The following HIVEP3 variants were observed in gnomAD, a reference collection of about 807,000 sequenced individuals.
The protein encoded by HIVEP3 is transcription factor HIVEP3.
Under a neutral mutation model 152.8 loss-of-function variants are expected in HIVEP3, and 49 were observed. That is an observed-to-expected ratio of 0.32 (90% CI 0.26 to 0.41). HIVEP3 has a LOEUF of 0.41. Among genes scored for constraint, HIVEP3 ranks in the 10% least tolerant of loss-of-function variants. HIVEP3 has a pLI of 1.00. For missense variants in HIVEP3, 2,790 were observed against 3,103.3 expected (o/e 0.90, Z 2.40); for synonymous variants, 1,269 against 1,289.0 (o/e 0.98, Z 0.33).
chr1:41,797,890 G>T (rs1252071752), intron 1 of HIVEP3, among the ~76,000 whole-genome samples: 1 of 151,910 alleles, frequency 6.6e-6, no homozygotes, highest in Non-Finnish European at 1.5e-5. Context: ...TAAGGCAGGG[G>T]AATCACTTGA....
chr1:41,656,087 G>A (rs1458555712), intron 2 of HIVEP3, among the ~76,000 whole-genome samples: 2 of 152,160 alleles, frequency 1.3e-5, no homozygotes, highest in African/African-American at 2.4e-5. Context: ...TTCTTTGCCT[G>A]CCTCCTCTCC....
At chr1:41,588,975 G>T (rs888421850) in intron 3 of HIVEP3, among the ~76,000 whole-genome samples, 2 of 152,196 alleles carry the variant, frequency 1.3e-5, no homozygotes, top group East Asian at 1.9e-4. Context: ...GGAGACTTCT[G>T]TCTTGGAATG....
rs138291173 is a variant in HIVEP3, at chr1:41,762,448, T to C, written c.-800-61453A>G. Reference sequence around the variant, plus strand: ...AGCAGTGTCAGGGTCAGGCCAGCCCTGGATCCGCAGGCTGGAGCAGGGCAG... The same window carrying C: ...AGCAGTGTCAGGGTCAGGCCAGCCCCGGATCCGCAGGCTGGAGCAGGGCAG... On this transcript the variant is annotated intron_variant, in intron 1 of 8. Transcript: ENST00000372583. 1.5e-4 allele frequency among the ~76,000 whole-genome samples: 23 copies of C among 152,336 alleles called. No individual in the cohort carries two copies. In the East Asian group the frequency reaches 3.9e-3, roughly 26 times the overall value.
intron 1 of HIVEP3, among the ~76,000 whole-genome samples, chr1:42,029,110 A>G (rs1042884219): frequency 2.0e-5 from 3 of 152,240 alleles, no homozygotes; most frequent in African/African-American, 7.2e-5. Flanking sequence ...ACCAGGGTAC[A>G]ACTTCTGTTT....
intron 2 of HIVEP3, among the ~76,000 whole-genome samples, chr1:41,699,598 C>G (rs1426473141): frequency 6.6e-6 from 1 of 152,146 alleles, no homozygotes; most frequent in African/African-American, 2.4e-5. Flanking sequence ...ACTGGAAGAG[C>G]AGAAGAGAAG....
At chr1:41,516,987 G>A (rs1333195710) in intron 7 of HIVEP3, among the ~76,000 whole-genome samples, 3 of 152,246 alleles carry the variant, frequency 2.0e-5, no homozygotes, top group African/African-American at 4.8e-5. Flanking sequence ...ACTGCCTGAG[G>A]GCAGGAGCTG....
intron 5 of HIVEP3, among the ~76,000 whole-genome samples, chr1:41,565,784 C>T (rs1644153700): frequency 6.6e-6 from 1 of 152,168 alleles, no homozygotes; most frequent in East Asian, 1.9e-4. Context: ...ACCCCCCTAC[C>T]CAGGAACCTA....
intron 1 of HIVEP3, among the ~76,000 whole-genome samples, chr1:41,809,304 AAG>A: frequency 6.6e-6 from 1 of 152,272 alleles, no homozygotes; most frequent in South Asian, 2.1e-4. Context: ...TTATATTGAT[AAG>A]AGAGACTTGG....
chr1:41,643,071 G>A (rs1417583781), intron 2 of HIVEP3, among the ~76,000 whole-genome samples: 1 of 152,044 alleles, frequency 6.6e-6, no homozygotes, highest in Admixed American at 6.5e-5. Flanking sequence ...CACCGTCTTG[G>A]CCTAGGCTTC....
At chr1:41,679,835 C>T (rs1057357787) in intron 2 of HIVEP3, among the ~76,000 whole-genome samples, 1 of 152,224 alleles carries the variant, frequency 6.6e-6, no homozygotes, top group Admixed American at 6.5e-5. Context: ...TCTGGGCTTG[C>T]CTCTACTCGC....
rs144971283 is a variant in HIVEP3 at position 41,802,562 on chromosome 1, T to C, written c.-800-101567A>G. On this transcript the variant is annotated intron_variant, in intron 1 of 8. Transcript: ENST00000372583. ...GCTTTCATCTTCAATAAAAAGGTGATGGAGGGTGGGAATAGGAGAGGAATG... is the reference window on the plus strand; with the variant it reads ...GCTTTCATCTTCAATAAAAAGGTGACGGAGGGTGGGAATAGGAGAGGAATG... 3.2e-3 allele frequency among the ~76,000 whole-genome samples: 489 copies of C among 152,254 alleles called. 3 individuals are homozygous for C. Among genetic ancestry groups the C allele is most frequent in the Middle Eastern group, 0.01 (3 of 294 alleles).
At chr1:41,528,455 ACACCCCACCCT>A (rs1643093398) in intron 5 of HIVEP3, among the ~76,000 whole-genome samples, 1 of 39,880 alleles carries the variant, frequency 2.5e-5, no homozygotes, top group African/African-American at 1.0e-4. Flanking sequence ...ACCCTCACAC[ACACCCCACCCT>A]CACCTTCACA....
intron 1 of HIVEP3, among the ~76,000 whole-genome samples, chr1:41,806,135 T>C (rs1026989670): frequency 6.6e-6 from 1 of 152,140 alleles, no homozygotes; most frequent in East Asian, 1.9e-4. Flanking sequence ...CCTTCCTGAA[T>C]GTTCCAGGGA....
chr1:41,659,714 G>T (rs553379871), intron 2 of HIVEP3, among the ~76,000 whole-genome samples: 14 of 152,336 alleles, frequency 9.2e-5, no homozygotes, highest in African/African-American at 3.4e-4. Flanking sequence ...CCCATCACAT[G>T]CAACCAAGCA....
intron 1 of HIVEP3, among the ~76,000 whole-genome samples, chr1:41,851,044 A>C (rs1247908515): frequency 2.0e-5 from 3 of 151,968 alleles, no homozygotes; most frequent in East Asian, 1.9e-4. Context: ...ACTGCATCTC[A>C]TCAGCCTTCT....
At chr1:41,831,767 TG>T (rs1287516858) in intron 1 of HIVEP3, among the ~76,000 whole-genome samples, 1 of 152,202 alleles carries the variant, frequency 6.6e-6, no homozygotes, top group Non-Finnish European at 1.5e-5. Flanking sequence ...TCTGTGCTCA[TG>T]GGAGGCAGTG....
chr1:41,889,600 G>A (rs1644414912), intron 1 of HIVEP3, among the ~76,000 whole-genome samples: 1 of 152,168 alleles, frequency 6.6e-6, no homozygotes, highest in Non-Finnish European at 1.5e-5. Context: ...GGGCTGCCAA[G>A]AGCAAAAATT....
chr1:41,773,950 C>T (rs1648531637), intron 1 of HIVEP3, among the ~76,000 whole-genome samples: 1 of 152,242 alleles, frequency 6.6e-6, no homozygotes, highest in South Asian at 2.1e-4. Flanking sequence ...AAAATCAATG[C>T]TACTGGCAAA....
intron 5 of HIVEP3, 100 bp downstream of exon 5, chr1:41,575,444 C>A: frequency 2.3e-6 from 3 of 1,312,828 alleles, no homozygotes; most frequent in Non-Finnish European, 3.2e-6. Context: ...CACCTGTGGG[C>A]AGAGCCCTTG....
Sources: allele counts gnomAD v4.1 joint callset (sites outside exome capture counted in the v4.1 genomes callset), GRCh38; gene constraint gnomAD v4.1.1; transcripts MANE v1.5; gene names NCBI Gene and HGNC (gene_info 2026-07-23, HGNC 2026-07-21).